Variants in SCD5 observed in about 807,000 individuals in gnomAD.
SCD5 encodes stearoyl-CoA desaturase 5.
In SCD5, 20 loss-of-function variants were observed where a neutral mutation model predicts 30.4. The ratio of observed to expected loss-of-function variants is 0.66; its 90% CI spans 0.46 to 0.96. The LOEUF (loss-of-function observed/expected upper bound fraction) is 0.96. Among genes scored for constraint, SCD5 ranks in the 40% least tolerant of loss-of-function variants. The pLI is 0.00. For missense variants in SCD5, 381 were observed against 443.3 expected, an observed-to-expected ratio of 0.86 and a Z score of 1.26; for synonymous variants, 173 against 176.4, an observed-to-expected ratio of 0.98 and a Z score of 0.16.
At chr4:82,736,727 C>T (rs1271515068) in intron 1 of SCD5, among the ~76,000 whole-genome samples, 1 of 151,792 alleles carries the variant, frequency 6.6e-6, no homozygotes, top group Non-Finnish European at 1.5e-5. Flanking sequence ...TGCAGTGATG[C>T]CCTCAACTCA....
chr4:82,782,548 T>C (rs771668784), intron 1 of SCD5, among the ~76,000 whole-genome samples: 4 of 152,100 alleles, frequency 2.6e-5, no homozygotes, highest in African/African-American at 4.8e-5. Context: ...AGCTACTTAT[T>C]TGAGGCTTTC....
intron 2 of SCD5, among the ~76,000 whole-genome samples, chr4:82,700,460 C>T (rs1282531795): frequency 6.6e-6 from 1 of 151,802 alleles, no homozygotes; most frequent in Non-Finnish European, 1.5e-5. Context: ...GGAAAAAATC[C>T]CTCCTTACCT....
chr4:82,740,762 A>C (rs569839311), intron 1 of SCD5, among the ~76,000 whole-genome samples: 8 of 152,280 alleles, frequency 5.3e-5, no homozygotes, highest in African/African-American at 1.9e-4. Context: ...TTCCAAATGT[A>C]AGCAAAATGT....
intron 1 of SCD5, among the ~76,000 whole-genome samples, chr4:82,763,671 A>C (rs1285466107): frequency 2.6e-5 from 4 of 152,354 alleles, no homozygotes; most frequent in South Asian, 4.1e-4. Context: ...GTGAAGCGGC[A>C]GGAAGAGGGC....
In SCD5 at chr4:82,650,294, C is replaced by T. The variant is rs766238210; in HGVS notation, c.570-13471G>A. Reference sequence around the variant, plus strand: ...TTTTAATATAAAATGATAAGCATAACGGTGAGTTATGCCCATGATATCACA... The same window carrying T: ...TTTTAATATAAAATGATAAGCATAATGGTGAGTTATGCCCATGATATCACA... On this transcript the variant is annotated intron_variant, in intron 3 of 4. Coordinates refer to ENST00000319540, the MANE Select transcript of SCD5 (RefSeq NM_001037582.3). 2.6e-5 allele frequency among the ~76,000 whole-genome samples: 4 copies of T among 152,236 alleles called. No individual in the cohort carries two copies. In the South Asian group the frequency reaches 6.2e-4, roughly 24 times the overall value.
chr4:82,705,734 T>C (rs1719955330), intron 1 of SCD5, among the ~76,000 whole-genome samples: 1 of 152,234 alleles, frequency 6.6e-6, no homozygotes, highest in Admixed American at 6.5e-5. Flanking sequence ...CAATTCAATT[T>C]CACACATACA....
At chr4:82,699,081 G>A (rs562178166) in intron 2 of SCD5, among the ~76,000 whole-genome samples, 5 of 152,196 alleles carry the variant, frequency 3.3e-5, no homozygotes, top group Non-Finnish European at 5.9e-5. Context: ...CCCGGGCCAC[G>A]GACTGGTATG....
At chr4:82,665,502 T>C (rs1292289395) in intron 3 of SCD5, among the ~76,000 whole-genome samples, 1 of 152,014 alleles carries the variant, frequency 6.6e-6, no homozygotes, top group Non-Finnish European at 1.5e-5. Context: ...CACACAATGA[T>C]ACAAATCAAA....
chr4:82,794,811 G>A (rs967389220), intron 1 of SCD5, among the ~76,000 whole-genome samples: 5 of 152,022 alleles, frequency 3.3e-5, no homozygotes, highest in Non-Finnish European at 4.4e-5. Flanking sequence ...CACCACGCCC[G>A]GCTAATTTTT....
At chr4:82,702,130 C>CTTTTTT (rs10701664) in intron 2 of SCD5, among the ~76,000 whole-genome samples, 691 of 64,070 alleles carry the variant, frequency 0.011, 92 homozygotes, top group South Asian at 0.028. Context: ...CCATCATCAT[C>CTTTTTT]TTTTTTTTTT....
At chr4:82,758,781 G>A (rs1275506974) in intron 1 of SCD5, among the ~76,000 whole-genome samples, 1 of 152,074 alleles carries the variant, frequency 6.6e-6, no homozygotes, top group African/African-American at 2.4e-5. Flanking sequence ...AAGATGGGCC[G>A]GCACCCGCGG....
Position 82,798,633 on chromosome 4 carries a change from G to C in SCD5, c.-96C>G, listed in dbSNP as rs370638056. On this transcript the variant is annotated 5_prime_UTR_variant, in exon 1 of 5. Transcript: ENST00000319540. ...GGGGGCGGGGGCTTCTGCCTTTTAG[G>C]GGGGAATTCTCCGCACGTCCAGTCC... The C allele has an allele frequency of 4.6e-5, 50 of 1,079,304 alleles. No individual in the cohort carries two copies. The highest frequency in any genetic ancestry group is 4.5e-4 in the Admixed American group (16 of 35,928). The allele number at this position is 1,079,304 out of a possible 1,614,324, so 66.9% of individuals were successfully genotyped here.
At chr4:82,712,292 A>ACG (rs1720123214) in intron 1 of SCD5, among the ~76,000 whole-genome samples, 1 of 32,562 alleles carries the variant, frequency 3.1e-5, no homozygotes, top group African/African-American at 1.4e-4. Flanking sequence ...ATATATATAT[A>ACG]TATATTTTAT....
chr4:82,794,895 C>T (rs918276215), intron 1 of SCD5, among the ~76,000 whole-genome samples: 1 of 152,110 alleles, frequency 6.6e-6, no homozygotes, highest in African/African-American at 2.4e-5. Flanking sequence ...TTGTGATCAG[C>T]CCGCCTCGGC....
At chr4:82,659,670 C>G (rs35857359) in intron 3 of SCD5, among the ~76,000 whole-genome samples, 44,267 of 152,004 alleles carry the variant, frequency 0.29, 6,551 homozygotes, top group East Asian at 0.38. Flanking sequence ...CTGAGTTCTA[C>G]TTTGATTGCA....
chr4:82,634,136 T>C (rs535944403), intron 4 of SCD5, among the ~76,000 whole-genome samples: 1 of 152,384 alleles, frequency 6.6e-6, no homozygotes, highest in East Asian at 1.9e-4. Flanking sequence ...TACAACATTG[T>C]ACGTATCCAT....
intron 1 of SCD5, among the ~76,000 whole-genome samples, chr4:82,790,879 G>C (rs559369894): frequency 3.9e-5 from 6 of 152,190 alleles, no homozygotes; most frequent in Admixed American, 3.9e-4. Context: ...CCAGGCTTCT[G>C]ACAATTTTAA....
In SCD5 at chr4:82,798,471, C is replaced by A. The variant is rs746393792; in HGVS notation, c.67G>T (p.Gly23Trp). The change falls in exon 1 of 5, where the codon GGG (glycine) becomes TGG (tryptophan). Residue 23 changes from glycine (G) to tryptophan (W), a missense_variant. Gly to Trp is a radical substitution (Grantham distance 184). Transcript: ENST00000319540. ...CCGCCGCCCTCAGAGCTTTCGAGCC[C>A]GGCACGGATTTCTTCCTTGGCGTCG... The part of the protein sequence containing the change: ...FCDAKEEIRA[G>W]LESSEGGGGP... 8.7e-6 allele frequency: 14 copies of A among 1,612,780 alleles called. No homozygotes were observed. The highest frequency in any genetic ancestry group is 1.3e-5 in the African/African-American group (1 of 74,980).
At chr4:82,779,737 G>A (rs1431985299) in intron 1 of SCD5, among the ~76,000 whole-genome samples, 2 of 152,216 alleles carry the variant, frequency 1.3e-5, no homozygotes, top group Non-Finnish European at 2.9e-5. Context: ...AAAGCAAAAT[G>A]TGGATGACAC....
Sources: gnomAD v4.1 joint callset for allele counts (sites outside exome capture counted in the v4.1 genomes callset) on GRCh38, gnomAD v4.1.1 for gene constraint, MANE v1.5 for transcripts, NCBI Gene and HGNC (gene_info 2026-07-23, HGNC 2026-07-21) for gene names.